Variants in PNPLA1 observed in about 807,000 individuals in gnomAD.
PNPLA1 encodes omega-hydroxyceramide transacylase.
PNPLA1 carries 36 observed loss-of-function variants against 51.7 expected under a neutral mutation model. That is an observed-to-expected ratio of 0.70 (90% CI 0.53 to 0.92). PNPLA1 has a LOEUF of 0.92. Among genes scored for constraint, PNPLA1 ranks in the 40% least tolerant of loss-of-function variants. The pLI, the probability that PNPLA1 is intolerant of heterozygous loss-of-function variation, is 0.00. For missense variants in PNPLA1, 658 were observed against 682.5 expected, an observed-to-expected ratio of 0.96 and a Z score of 0.40; for synonymous variants, 293 against 280.1, an observed-to-expected ratio of 1.05 and a Z score of -0.46.
chr6:36,263,396 A>G (rs1475556122), intron 1 of PNPLA1, among the ~76,000 whole-genome samples: 1 of 152,232 alleles, frequency 6.6e-6, no homozygotes, highest in Non-Finnish European at 1.5e-5. Flanking sequence ...GAGAAAAGGA[A>G]ACAGGAACAA....
At chr6:36,252,803 G>A (rs1176218807) in intron 1 of PNPLA1, among the ~76,000 whole-genome samples, 1 of 152,216 alleles carries the variant, frequency 6.6e-6, no homozygotes, top group Non-Finnish European at 1.5e-5. Flanking sequence ...TAGACCAAAT[G>A]TTACAGCTAG....
intron 1 of PNPLA1, among the ~76,000 whole-genome samples, chr6:36,258,104 T>A (rs1459949450): frequency 6.6e-6 from 1 of 152,156 alleles, no homozygotes; most frequent in African/African-American, 2.4e-5. Flanking sequence ...GGATTACAGG[T>A]GTGAGCCACT....
At chr6:36,303,351 C>T (rs1582100832) in intron 6 of PNPLA1, among the ~76,000 whole-genome samples, 1 of 152,170 alleles carries the variant, frequency 6.6e-6, no homozygotes. Context: ...CCTTGGCCTC[C>T]CAAAGTGCTG....
intron 1 of PNPLA1, among the ~76,000 whole-genome samples, chr6:36,248,321 A>G (rs971783966): frequency 1.3e-4 from 20 of 152,208 alleles, no homozygotes; most frequent in African/African-American, 4.3e-4. Context: ...AGGGCCCTGC[A>G]TGTAGCACCT....
chr6:36,266,565 G>A (rs1028727113), upstream of PNPLA1, among the ~76,000 whole-genome samples: 1 of 152,152 alleles, frequency 6.6e-6, no homozygotes, highest in African/African-American at 2.4e-5. Context: ...ATTGTCCAGG[G>A]GGGTGGGGTC....
upstream of PNPLA1, among the ~76,000 whole-genome samples, chr6:36,267,241 G>T (rs1390196766): frequency 6.6e-6 from 1 of 152,196 alleles, no homozygotes; most frequent in African/African-American, 2.4e-5. Flanking sequence ...TTCTTAGGGC[G>T]TGAGTAGAGG....
chr6:36,299,616 G>C (rs968240441), intron 5 of PNPLA1, among the ~76,000 whole-genome samples: 4 of 152,194 alleles, frequency 2.6e-5, no homozygotes, highest in Non-Finnish European at 4.4e-5. Flanking sequence ...TTACAGGCGT[G>C]AGCCACTGCG....
At chr6:36,301,228 C>T (rs1771034991) in intron 5 of PNPLA1, among the ~76,000 whole-genome samples, 1 of 151,432 alleles carries the variant, frequency 6.6e-6, no homozygotes, top group Non-Finnish European at 1.5e-5. Flanking sequence ...TCAGGCAACC[C>T]TTTCACCTTT....
intron 1 of PNPLA1, among the ~76,000 whole-genome samples, chr6:36,246,508 C>T (rs918179308): frequency 6.6e-5 from 10 of 152,092 alleles, no homozygotes; most frequent in African/African-American, 1.9e-4. Flanking sequence ...GGCCAGATCC[C>T]GTGTCCTTAA....
intron 6 of PNPLA1, 93 bp from the exon 7 acceptor site, chr6:36,306,199 A>C: frequency 1.1e-6 from 1 of 942,804 alleles, no homozygotes; most frequent in Non-Finnish European, 1.6e-6. Context: ...TGCTGTTTTT[A>C]AACATTCTCA....
intron 1 of PNPLA1, among the ~76,000 whole-genome samples, chr6:36,246,198 A>G (rs966958182): frequency 6.6e-6 from 1 of 151,592 alleles, no homozygotes; most frequent in African/African-American, 2.4e-5. Flanking sequence ...GTTTAAACAG[A>G]TCCCACATTT....
intron 1 of PNPLA1, among the ~76,000 whole-genome samples, chr6:36,245,346 T>C (rs779079015): frequency 3.3e-5 from 5 of 152,234 alleles, no homozygotes; most frequent in African/African-American, 4.8e-5. Context: ...TAAGTTTCAA[T>C]AGGGAACCAA....
chr6:36,309,995 A>G (rs546759688), intron 8 of PNPLA1, among the ~76,000 whole-genome samples: 86 of 152,320 alleles, frequency 5.6e-4, no homozygotes, highest in African/African-American at 1.9e-3. Flanking sequence ...CAAAAGCTAA[A>G]GTGTAGATGT....
Position 36,294,052 on chromosome 6 carries a change from C to A in PNPLA1, c.505-138C>A. The A allele has an allele frequency of 9.8e-7, 1 of 1,018,774 alleles. No individual in the cohort carries two copies. The highest frequency in any genetic ancestry group is 1.4e-6 in the Non-Finnish European group (1 of 698,128). 63.1% of individuals were successfully genotyped at this position (1,018,774 alleles called of 1,614,324 possible). The stretch of plus-strand genomic sequence containing the variant: ...ACCCACCAGGACCTCCGTCTCCAGG[C>A]TTATCCTGAGGGGTCTTCTGGATCT... On this transcript the variant is annotated intron_variant, in intron 3 of 8. Coordinates refer to ENST00000636260, the MANE Select transcript of PNPLA1 (RefSeq NM_001374623.1). The surrounding 1 kb of genome is among the most constrained non-coding windows in gnomAD (Gnocchi z 4.2).
intron 6 of PNPLA1, among the ~76,000 whole-genome samples, 181 bp from the exon 7 acceptor site, chr6:36,306,111 C>T (rs1274956099): frequency 1.3e-5 from 2 of 152,156 alleles, no homozygotes; most frequent in East Asian, 1.9e-4. Flanking sequence ...CCACAGATGC[C>T]GCGGGCCTGC....
At chr6:36,251,029 G>A (rs1040398315) in intron 1 of PNPLA1, among the ~76,000 whole-genome samples, 4 of 151,896 alleles carry the variant, frequency 2.6e-5, no homozygotes, top group Non-Finnish European at 5.9e-5. Context: ...CACATACTTC[G>A]TTTTGCTCAC....
intron 1 of PNPLA1, among the ~76,000 whole-genome samples, chr6:36,256,981 T>C (rs1375809641): frequency 6.6e-6 from 1 of 152,052 alleles, no homozygotes; most frequent in Non-Finnish European, 1.5e-5. Context: ...TAGGGGAGAT[T>C]AACGGTTCTG....
At chr6:36,297,784 G>A (rs1343217595) in intron 5 of PNPLA1, among the ~76,000 whole-genome samples, 2 of 152,060 alleles carry the variant, frequency 1.3e-5, no homozygotes, top group Non-Finnish European at 2.9e-5. Context: ...ATTCAGGCAT[G>A]CCTGGCCAAA....
At chr6:36,282,161 AAG>A (rs2127334853) in intron 1 of PNPLA1, among the ~76,000 whole-genome samples, 1 of 140,278 alleles carries the variant, frequency 7.1e-6, no homozygotes, top group South Asian at 2.3e-4. Flanking sequence ...GAGAGAGAGA[AAG>A]AAAGAAAGAG....
Sources: allele counts gnomAD v4.1 joint callset (sites outside exome capture counted in the v4.1 genomes callset), GRCh38; gene constraint gnomAD v4.1.1; non-coding constraint Gnocchi (gnomAD v3.1); transcripts MANE v1.5; gene names NCBI Gene and HGNC (gene_info 2026-07-23, HGNC 2026-07-21).